The following RIPOR3 variants were observed in gnomAD, a reference collection of about 807,000 sequenced individuals.
RIPOR3 encodes family with sequence similarity 65 member C.
RIPOR3 carries 95 observed loss-of-function variants against 114.3 expected under a neutral mutation model. The ratio of observed to expected loss-of-function variants is 0.83; its 90% CI spans 0.70 to 0.99. The LOEUF is 0.99. RIPOR3 is among the 50% of genes least tolerant of loss of function. The probability of loss-of-function intolerance (pLI) is 0.00; values close to 1 mark genes in which losing one functional copy is unlikely to be tolerated. For missense variants in RIPOR3, 1,252 were observed against 1,266.9 expected (o/e 0.99, Z 0.18); for synonymous variants, 575 against 543.8 (o/e 1.06, Z -0.80).
chr20:50,652,839 G>T (rs998969458), intron 1 of RIPOR3, among the ~76,000 whole-genome samples: 3 of 152,202 alleles, frequency 2.0e-5, no homozygotes, highest in African/African-American at 7.2e-5. Flanking sequence ...TACGCTACTG[G>T]TGACATGTAA....
intron 1 of RIPOR3, among the ~76,000 whole-genome samples, chr20:50,643,683 C>T (rs1314688198): frequency 6.7e-6 from 1 of 149,858 alleles, no homozygotes; most frequent in African/African-American, 2.5e-5. Flanking sequence ...CCAGCTAAGG[C>T]AGGAGGATTT....
intron 1 of RIPOR3, among the ~76,000 whole-genome samples, chr20:50,635,034 A>AAAAC (rs954254026): frequency 6.6e-6 from 1 of 152,230 alleles, no homozygotes; most frequent in Non-Finnish European, 1.5e-5. Flanking sequence ...CTCCATCTCA[A>AAAAC]AAACAAACAA....
In RIPOR3 at chr20:50,601,945, G is replaced by A. The variant is rs535587278; in HGVS notation, c.1659+127C>T. 6.1e-4 allele frequency: 555 copies of A among 911,342 alleles called. 3 individuals are homozygous for A. Among genetic ancestry groups the A allele is most frequent in the Non-Finnish European group, 4.8e-5 (30 of 628,942 alleles). The allele number at this position is 911,342 out of a possible 1,614,324, so 56.5% of individuals were successfully genotyped here. On this transcript the variant is annotated intron_variant, in intron 13 of 21. Coordinates refer to ENST00000327979, the MANE Select transcript of RIPOR3 (RefSeq NM_001290268.2). ...GGAAACCAAGGCCCAGAGAGACACG[G>A]CCCACCCAGGTCACGCAGAGGTGAG...
chr20:50,685,818 T>TAAAA (rs1461131471), intron 1 of RIPOR3, among the ~76,000 whole-genome samples: 1 of 15,288 alleles, frequency 6.5e-5, no homozygotes, highest in Non-Finnish European at 1.5e-4. Flanking sequence ...AGACTCTGTC[T>TAAAA]CAAAAAAAAA....
chr20:50,633,915 G>A (rs7260875), intron 1 of RIPOR3, among the ~76,000 whole-genome samples: 3,839 of 152,018 alleles, frequency 0.025, 169 homozygotes, highest in African/African-American at 0.088. Flanking sequence ...GCTCTGAGAG[G>A]TGAGAGGCGA....
intron 1 of RIPOR3, among the ~76,000 whole-genome samples, chr20:50,676,769 CT>C (rs1310891448): frequency 0.011 from 1,401 of 132,810 alleles, 17 homozygotes; most frequent in African/African-American, 0.03. Context: ...CCAGATTCTA[CT>C]TTTTTTTTTT....
rs1375377161 is a variant in RIPOR3 at position 50,594,646 on chromosome 20, C to T, written c.2119G>A (p.Val707Ile). The T allele has an allele frequency of 1.2e-6, 2 of 1,613,538 alleles. No homozygotes were observed. The highest frequency in any genetic ancestry group is 8.5e-7 in the Non-Finnish European group (1 of 1,179,928). The change falls in exon 17 of 22, where the codon GTC (valine) becomes ATC (isoleucine). Residue 707 changes from valine (V) to isoleucine (I), a missense_variant. Coordinates refer to ENST00000327979, the MANE Select transcript of RIPOR3 (RefSeq NM_001290268.2). ...AGCGTCGTGGCAGGGCAGGACAGGA[C>T]CCTGCCAGGCCCTGTGCACCCTCTC... ...LWRGCTGPGR[V>I]LSCPATTLLN... is the part of the protein sequence containing the mutation.
intron 1 of RIPOR3, among the ~76,000 whole-genome samples, chr20:50,670,033 T>A (rs1259205181): frequency 6.6e-6 from 1 of 150,928 alleles, no homozygotes; most frequent in Non-Finnish European, 1.5e-5. Flanking sequence ...GGCAGGCGCC[T>A]GTAATCCCAG....
At chr20:50,598,379 C>T (rs937424648) in intron 13 of RIPOR3, among the ~76,000 whole-genome samples, 2 of 151,960 alleles carry the variant, frequency 1.3e-5, no homozygotes, top group Admixed American at 6.6e-5. Flanking sequence ...TCGTGGCTGG[C>T]TCTGGGGCTG....
At chr20:50,686,304 C>T (rs958817576) in intron 1 of RIPOR3, among the ~76,000 whole-genome samples, 62 of 152,116 alleles carry the variant, frequency 4.1e-4, no homozygotes, top group African/African-American at 1.4e-3. Flanking sequence ...GATCCACCCG[C>T]CTCGGCCTCC....
intron 1 of RIPOR3, among the ~76,000 whole-genome samples, chr20:50,679,601 C>CAAAAAAAAAAA (rs35946931): frequency 2.5e-5 from 3 of 120,568 alleles, no homozygotes; most frequent in Admixed American, 9.0e-5. Context: ...ACTAAAAATA[C>CAAAAAAAAAAA]AAAAAAAAAA....
At position 50,587,793 on chromosome 20, in the gene RIPOR3, A is replaced by G. The variant is rs1372662823; in HGVS notation, c.2752+9T>C. The stretch of plus-strand genomic sequence containing the variant: ...CCCGCTGCGCTGCACAGTTTGTGCC[A>G]CTTTTTACCGAACGACAGTGTGGTT... On this transcript the variant is annotated intron_variant, in intron 21 of 21. Transcript: ENST00000327979. 1 of 1,614,002 alleles carries G rather than the reference A, an allele frequency of 6.2e-7. No homozygotes were observed. Among genetic ancestry groups the G allele is most frequent in the Admixed American group, 1.7e-5 (1 of 60,030 alleles).
chr20:50,604,804 C>A, intron 11 of RIPOR3, 30 bp from the exon 12 acceptor site: 1 of 1,600,030 alleles, frequency 6.2e-7, no homozygotes, highest in South Asian at 1.1e-5. Context: ...GTCAGGATGC[C>A]ATCGGCACCC....
intron 1 of RIPOR3, among the ~76,000 whole-genome samples, chr20:50,679,123 A>ATATATATATAT (rs1473343687): frequency 5.1e-5 from 4 of 79,172 alleles, no homozygotes; most frequent in Non-Finnish European, 7.7e-5. Context: ...AAAAAAAAAA[A>ATATATATATAT]AAAAAAAAAA....
At chr20:50,624,563 G>A (rs1012503254) in intron 2 of RIPOR3, among the ~76,000 whole-genome samples, 3 of 152,318 alleles carry the variant, frequency 2.0e-5, no homozygotes, top group East Asian at 1.9e-4. Flanking sequence ...CTGAGAGCCC[G>A]CCCACCCGGG....
intron 2 of RIPOR3, among the ~76,000 whole-genome samples, chr20:50,622,764 C>T (rs568253612): frequency 3.3e-5 from 5 of 152,248 alleles, no homozygotes; most frequent in African/African-American, 1.2e-4. Flanking sequence ...ATCAAAGCAA[C>T]TTCACCTCTA....
intron 1 of RIPOR3, among the ~76,000 whole-genome samples, chr20:50,652,590 C>CAAAAAAAAA (rs11470456): frequency 8.3e-4 from 72 of 87,224 alleles, no homozygotes; most frequent in Non-Finnish European, 1.2e-3. Flanking sequence ...GATTCTGTCT[C>CAAAAAAAAA]AAAAAAAAAA....
At chr20:50,686,397 A>C (rs1286342848) in intron 1 of RIPOR3, among the ~76,000 whole-genome samples, 2 of 152,040 alleles carry the variant, frequency 1.3e-5, no homozygotes, top group African/African-American at 4.8e-5. Flanking sequence ...GGGTGAGTAT[A>C]GGAGCTACTG....
Position 50,604,757 on chromosome 20 carries a change from C to T in RIPOR3, c.974G>A (p.Ser325Asn), listed in dbSNP as rs894735427. The change falls in exon 12 of 22, where the codon AGC becomes AAC. Residue 325 changes from serine to asparagine, a missense_variant. Physicochemically the swap from Ser to Asn is conservative, Grantham distance 46. Coordinates refer to ENST00000327979, the MANE Select transcript of RIPOR3 (RefSeq NM_001290268.2). ...EVQWNPFDTE[S>N]FLVSPSPTGK... ...CGTGGGGCTGGGTGACACCAGGAAGCTCTCAGTATCAAACGGGCTGGAGGA... is the reference window on the plus strand; with the variant it reads ...CGTGGGGCTGGGTGACACCAGGAAGTTCTCAGTATCAAACGGGCTGGAGGA... 6.2e-7 allele frequency: 1 copy of T among 1,607,998 alleles called. No homozygotes were observed. Among genetic ancestry groups the T allele is most frequent in the South Asian group, 1.1e-5 (1 of 90,530 alleles).
Sources: allele counts gnomAD v4.1 joint callset (sites outside exome capture counted in the v4.1 genomes callset), GRCh38; gene constraint gnomAD v4.1.1; transcripts MANE v1.5; gene names NCBI Gene and HGNC (gene_info 2026-07-23, HGNC 2026-07-21).